Variants in LDB2 observed in about 807,000 individuals in gnomAD.
The protein encoded by LDB2 is LIM domain binding 2.
Under a neutral mutation model 44.3 loss-of-function variants are expected in LDB2, and 12 were observed. That is an observed-to-expected ratio of 0.27 (90% CI 0.17 to 0.44). The LOEUF (loss-of-function observed/expected upper bound fraction) is 0.44. LDB2 is among the 20% of genes least tolerant of loss of function. The pLI is 1.00. For missense variants in LDB2, 344 were observed against 473.5 expected, an observed-to-expected ratio of 0.73 and a Z score of 2.54; for synonymous variants, 164 against 174.8, an observed-to-expected ratio of 0.94 and a Z score of 0.49.
chr4:16,524,195 C>CTTCTATATGCTCAGGAAGGAGA (rs1727344234), intron 5 of LDB2, among the ~76,000 whole-genome samples: 1 of 152,150 alleles, frequency 6.6e-6, no homozygotes, highest in Non-Finnish European at 1.5e-5. Context: ...TATCAGGCAC[C>CTTCTATATGCTCAGGAAGGAGA]TTCTATATGC....
chr4:16,517,347 A>T (rs1724139512), intron 5 of LDB2, among the ~76,000 whole-genome samples: 1 of 83,662 alleles, frequency 1.2e-5, no homozygotes, highest in Non-Finnish European at 2.8e-5. Context: ...CTCCACATAC[A>T]CATAAAAAAA....
intron 1 of LDB2, among the ~76,000 whole-genome samples, chr4:16,875,593 T>G (rs1205530947): frequency 6.6e-6 from 1 of 152,220 alleles, no homozygotes; most frequent in African/African-American, 2.4e-5. Context: ...AAAGAAAGTT[T>G]TGACCAATAG....
At chr4:16,768,306 G>GA (rs1046984108) in intron 1 of LDB2, among the ~76,000 whole-genome samples, 1 of 151,802 alleles carries the variant, frequency 6.6e-6, no homozygotes, top group African/African-American at 2.4e-5. Context: ...TGTGGTTCTA[G>GA]AAAAAAATGA....
At chr4:16,522,060 T>C (rs1256892225) in intron 5 of LDB2, among the ~76,000 whole-genome samples, 1 of 152,162 alleles carries the variant, frequency 6.6e-6, no homozygotes, top group African/African-American at 2.4e-5. Context: ...AAGATTGGTA[T>C]AACAATAGTA....
At chr4:16,756,504 A>C (rs1449487223) in intron 2 of LDB2, among the ~76,000 whole-genome samples, 2 of 152,176 alleles carry the variant, frequency 1.3e-5, no homozygotes, top group African/African-American at 4.8e-5. Flanking sequence ...TGAGTACGCC[A>C]GTGGACCACT....
chr4:16,735,577 A>T (rs920429860), intron 2 of LDB2, among the ~76,000 whole-genome samples: 2 of 151,194 alleles, frequency 1.3e-5, no homozygotes, highest in Non-Finnish European at 2.9e-5. Context: ...GACAGAAAAA[A>T]AAACAGCAAT....
chr4:16,732,169 C>T (rs73125871), intron 2 of LDB2, among the ~76,000 whole-genome samples: 4,492 of 152,178 alleles, frequency 0.03, 107 homozygotes, highest in African/African-American at 0.065. Context: ...TTCAAGACAC[C>T]CGGCTTTATG....
chr4:16,536,341 G>A (rs563443936), intron 5 of LDB2, among the ~76,000 whole-genome samples: 1 of 152,278 alleles, frequency 6.6e-6, no homozygotes, highest in African/African-American at 2.4e-5. Flanking sequence ...TATCGTAAAT[G>A]TCTGAGGGCT....
At chr4:16,892,032 A>C (rs1723563934) in intron 1 of LDB2, among the ~76,000 whole-genome samples, 1 of 152,192 alleles carries the variant, frequency 6.6e-6, no homozygotes, top group African/African-American at 2.4e-5. Context: ...ATACGATGTG[A>C]TCATGAGGGT....
intron 1 of LDB2, among the ~76,000 whole-genome samples, chr4:16,843,208 G>A (rs573231151): frequency 8.5e-5 from 13 of 152,196 alleles, no homozygotes; most frequent in South Asian, 4.1e-4. Flanking sequence ...CATTTCCTTA[G>A]TTTTTAAACA....
intron 1 of LDB2, among the ~76,000 whole-genome samples, chr4:16,790,708 T>G (rs1011114678): frequency 2.6e-5 from 4 of 152,168 alleles, no homozygotes; most frequent in Admixed American, 1.3e-4. Context: ...TGTCAGATGT[T>G]TGAAAATCCT....
intron 2 of LDB2, among the ~76,000 whole-genome samples, chr4:16,638,611 G>A (rs985255602): frequency 6.6e-6 from 1 of 152,138 alleles, no homozygotes; most frequent in Non-Finnish European, 1.5e-5. Context: ...AATTTGTATT[G>A]CTTCTGTATT....
intron 2 of LDB2, among the ~76,000 whole-genome samples, chr4:16,677,964 C>T (rs1486033708): frequency 6.6e-6 from 1 of 152,196 alleles, no homozygotes; most frequent in South Asian, 2.1e-4. Context: ...CTGAGAGACA[C>T]CTAAGTGTGT....
At chr4:16,622,596 T>C (rs371981588) in intron 2 of LDB2, among the ~76,000 whole-genome samples, 39 of 152,328 alleles carry the variant, frequency 2.6e-4, no homozygotes, top group African/African-American at 9.4e-4. Flanking sequence ...CCTCTGCAGA[T>C]AGAAACTATT....
chr4:16,895,133 A>AG (rs1465725269), intron 1 of LDB2, among the ~76,000 whole-genome samples: 2 of 151,738 alleles, frequency 1.3e-5, no homozygotes, highest in Non-Finnish European at 2.9e-5. Context: ...AAAAAAAAAA[A>AG]AAAAGAAAAT....
At chr4:16,664,888 T>G (rs1578592340) in intron 2 of LDB2, among the ~76,000 whole-genome samples, 1 of 151,976 alleles carries the variant, frequency 6.6e-6, no homozygotes, top group South Asian at 2.1e-4. Flanking sequence ...AGGGAGAGGG[T>G]AGATGAACAG....
chr4:16,824,160 T>C (rs544451776), intron 1 of LDB2, among the ~76,000 whole-genome samples: 7 of 152,334 alleles, frequency 4.6e-5, no homozygotes, highest in South Asian at 2.1e-4. Flanking sequence ...CACCGTCCTT[T>C]GGTTTTTAGA....
At chr4:16,800,836 C>T (rs376318159) in intron 1 of LDB2, among the ~76,000 whole-genome samples, 1 of 152,150 alleles carries the variant, frequency 6.6e-6, no homozygotes, top group Non-Finnish European at 1.5e-5. Context: ...CACCAACGCC[C>T]GGCTAACTTT....
At chr4:16,870,430 G>C (rs1442263196) in intron 1 of LDB2, among the ~76,000 whole-genome samples, 1 of 142,674 alleles carries the variant, frequency 7.0e-6, no homozygotes, top group Non-Finnish European at 1.5e-5. Context: ...CTAATTAGGG[G>C]CTCTGCAATC....
Sources: gnomAD v4.1 joint callset for allele counts (sites outside exome capture counted in the v4.1 genomes callset) on GRCh38, gnomAD v4.1.1 for gene constraint, MANE v1.5 for transcripts, NCBI Gene and HGNC (gene_info 2026-07-23, HGNC 2026-07-21) for gene names.